Variants in CFAP58 observed in about 807,000 individuals in gnomAD.
The protein encoded by CFAP58 is cilia and flagella associated protein 58, also known as cilia- and flagella-associated protein 58.
CFAP58 carries 88 observed loss-of-function variants against 119.5 expected under a neutral mutation model. The observed-to-expected ratio is 0.74, with a 90% CI of 0.62 to 0.88. CFAP58 has a LOEUF of 0.88. Ranked by LOEUF, CFAP58 falls within the 40% of genes least tolerant of loss-of-function variation. The probability of loss-of-function intolerance (pLI) is 0.00; values close to 1 mark genes in which losing one functional copy is unlikely to be tolerated. For synonymous variants in CFAP58, 365 were observed against 366.3 expected, an observed-to-expected ratio of 1.00 and a Z score of 0.04; for missense variants, 990 against 1,021.2, an observed-to-expected ratio of 0.97 and a Z score of 0.42.
chr10:104,415,145 G>A (rs1314772090), intron 15 of CFAP58, among the ~76,000 whole-genome samples: 1 of 152,198 alleles, frequency 6.6e-6, no homozygotes, highest in African/African-American at 2.4e-5. Context: ...GGGACTCTAA[G>A]CAAGGCTCTG....
chr10:104,372,379 A>T (rs2014836211), intron 7 of CFAP58, among the ~76,000 whole-genome samples: 1 of 151,936 alleles, frequency 6.6e-6, no homozygotes, highest in Admixed American at 6.6e-5. Context: ...AAAGAGAGAG[A>T]AAAAAAAGAA....
intron 16 of CFAP58, among the ~76,000 whole-genome samples, chr10:104,449,566 A>G (rs1564908338): frequency 6.6e-6 from 1 of 152,258 alleles, no homozygotes; most frequent in African/African-American, 2.4e-5. Flanking sequence ...ATAGGCATTC[A>G]GCAGCATCAC....
chr10:104,381,759 A>C (rs1218478598), intron 9 of CFAP58, among the ~76,000 whole-genome samples: 4 of 152,204 alleles, frequency 2.6e-5, no homozygotes, highest in African/African-American at 9.6e-5. Flanking sequence ...AATGCCTTGC[A>C]GACGCTTTGG....
At chr10:104,383,861 AGATGTCATGAAACT>A (rs2011870968) in intron 9 of CFAP58, among the ~76,000 whole-genome samples, 1 of 152,148 alleles carries the variant, frequency 6.6e-6, no homozygotes, top group Non-Finnish European at 1.5e-5. Context: ...AGGCTGGGGA[AGATGTCATGAAACT>A]GACATTTTCT....
intron 9 of CFAP58, among the ~76,000 whole-genome samples, chr10:104,386,273 G>A (rs922133456): frequency 2.6e-5 from 4 of 151,336 alleles, no homozygotes; most frequent in Admixed American, 2.6e-4. Context: ...AGCTACTTGG[G>A]AGGCTGAGGC....
chr10:104,391,807 C>T (rs1176351556), intron 9 of CFAP58, among the ~76,000 whole-genome samples: 2 of 152,180 alleles, frequency 1.3e-5, no homozygotes, highest in Non-Finnish European at 2.9e-5. Context: ...TTTTCTTTCT[C>T]GTGGTTAACT....
rs189855576 is a variant in CFAP58, at chr10:104,417,235, C to T, written c.2256+10442C>T. ...ACACCTCCTGGTGACCAGGCATGGG[C>T]CTGGCCTTGTTGCTTAACCTTCCTA... On this transcript the variant is annotated intron_variant, in intron 15 of 17. Transcript: ENST00000369704. Among the ~76,000 whole-genome samples the T allele has an allele frequency of 2.6e-3, 394 of 152,310 alleles. 1 individual carries two copies. Among genetic ancestry groups the T allele is most frequent in the Middle Eastern group, 0.01 (3 of 294 alleles).
chr10:104,370,932 T>G lies in CFAP58; in HGVS notation c.968T>G (p.Ile323Ser), dbSNP rs1370956848. The G allele has an allele frequency of 1.2e-6, 2 of 1,613,462 alleles. No individual in the cohort carries two copies. The highest frequency in any genetic ancestry group is 1.7e-6 in the Non-Finnish European group (2 of 1,179,846). The change falls in exon 7 of 18, where the codon ATC becomes AGC. Residue 323 changes from isoleucine (I) to serine (S), a missense_variant. Physicochemically the swap from Ile to Ser is moderately radical, Grantham distance 142. Transcript: ENST00000369704. Reference sequence around the variant, plus strand: ...GAAGTCCATCAAATGCGCCTTGACATCGGGAAGCTCAACAAAATCAGAGAA... The same window carrying G: ...GAAGTCCATCAAATGCGCCTTGACAGCGGGAAGCTCAACAAAATCAGAGAA... ...EEEVHQMRLD[I>S]GKLNKIREQI...
At chr10:104,422,348 G>A (rs1057074170) in intron 15 of CFAP58, among the ~76,000 whole-genome samples, 1 of 152,164 alleles carries the variant, frequency 6.6e-6, no homozygotes, top group South Asian at 2.1e-4. Context: ...TCCTTCCATG[G>A]TGTCTGACCC....
At chr10:104,393,863 A>T (rs1305268216) in intron 11 of CFAP58, among the ~76,000 whole-genome samples, 1 of 151,296 alleles carries the variant, frequency 6.6e-6, no homozygotes, top group East Asian at 1.9e-4. Context: ...CTCACACCCA[A>T]CCCTCCCAAA....
the CFAP58 span, among the ~76,000 whole-genome samples, chr10:104,347,762 A>G: frequency 6.0e-4 from 91 of 152,154 alleles, no homozygotes; most frequent in Non-Finnish European, 1.0e-3. Flanking sequence ...TGTTAGGAGG[A>G]TACAAAGTAT....
At chr10:104,403,662 A>G in intron 13 of CFAP58, 67 bp from the exon 14 acceptor site, 2 of 1,095,412 alleles carry the variant, frequency 1.8e-6, no homozygotes, top group Non-Finnish European at 2.7e-6. Flanking sequence ...TATGCAACTA[A>G]TTAAAGATAG....
intron 1 of CFAP58, among the ~76,000 whole-genome samples, chr10:104,356,582 G>A (rs940838463): frequency 2.0e-5 from 3 of 152,132 alleles, no homozygotes; most frequent in Non-Finnish European, 4.4e-5. Flanking sequence ...AATGCAATCC[G>A]TACTCCTTTG....
chr10:104,396,249 A>T (rs2012150398), intron 11 of CFAP58, among the ~76,000 whole-genome samples: 1 of 152,004 alleles, frequency 6.6e-6, no homozygotes, highest in African/African-American at 2.4e-5. Flanking sequence ...TTGGTGAATA[A>T]TTCAGCAGCA....
rs1564876013 is a variant in CFAP58 at position 104,357,932 on chromosome 10, C to CAT, written c.10-408_10-407insTA. Among the ~76,000 whole-genome samples the CAT allele has an allele frequency of 4.1e-4, 44 of 107,374 alleles. 4 individuals are homozygous for CAT. Among genetic ancestry groups the CAT allele is most frequent in the Admixed American group, 9.1e-4 (11 of 12,046 alleles). The allele number at this position is 107,374 out of a possible 152,430, so 70.4% of individuals were successfully genotyped here. On this transcript the variant is annotated intron_variant, in intron 1 of 17. Transcript: ENST00000369704. The stretch of plus-strand genomic sequence containing the variant: ...ATACACACATATATGTACACATATA[C>CAT]ACACATATATGTACACATATATACA...
chr10:104,364,489 G>C (rs1312581163), intron 3 of CFAP58, among the ~76,000 whole-genome samples: 2 of 149,844 alleles, frequency 1.3e-5, no homozygotes, highest in African/African-American at 4.9e-5. Flanking sequence ...CGCATGAATA[G>C]ACATTGTATT....
At chr10:104,367,917 G>T (rs2014773018) in intron 5 of CFAP58, among the ~76,000 whole-genome samples, 1 of 152,156 alleles carries the variant, frequency 6.6e-6, no homozygotes, top group Non-Finnish European at 1.5e-5. Flanking sequence ...GCTGTTCCAC[G>T]GTTTCGACTT....
At chr10:104,376,941 C>T in intron 8 of CFAP58, 48 bp downstream of exon 8, 1 of 1,420,838 alleles carries the variant, frequency 7.0e-7, no homozygotes, top group African/African-American at 1.4e-5. Context: ...TTCTTCAGCA[C>T]TGTAATATCT....
rs1299650580 is a variant in CFAP58, at chr10:104,355,561, C to CTTTTCCT, written c.9+1659_9+1665dup. On this transcript the variant is annotated intron_variant, in intron 1 of 17. Transcript: ENST00000369704. ...TGGCCTCATCTTATATTGCAGTTCT[C>CTTTTCCT]TTTTCCTTTTCCCTTTTCCTTCTCC... Among the ~76,000 whole-genome samples, 6 of 152,314 alleles carry CTTTTCCT rather than the reference C, an allele frequency of 3.9e-5. No individual in the cohort carries two copies. In the East Asian group the frequency reaches 1.2e-3, roughly 29 times the overall value.
Sources: gnomAD v4.1 joint callset for allele counts (sites outside exome capture counted in the v4.1 genomes callset) on GRCh38, gnomAD v4.1.1 for gene constraint, MANE v1.5 for transcripts, NCBI Gene and HGNC (gene_info 2026-07-23, HGNC 2026-07-21) for gene names.